DARS1: variants seen among roughly 807,000 people sequenced by gnomAD.
DARS1 encodes the protein aspartyl-tRNA synthetase 1, also known as aspartate--tRNA ligase, cytoplasmic.
In DARS1, 51 loss-of-function variants were observed where a neutral mutation model predicts 68.8. The ratio of observed to expected loss-of-function variants is 0.74; its 90% CI spans 0.59 to 0.94. The LOEUF is 0.94. Among genes scored for constraint, DARS1 ranks in the 40% least tolerant of loss-of-function variants. The pLI is 0.00. For missense variants in DARS1, 607 were observed against 597.3 expected (o/e 1.02, Z -0.17); for synonymous variants, 203 against 190.4 (o/e 1.07, Z -0.55).
chr2:135,921,861 C>T (rs145902508), intron 9 of DARS1, among the ~76,000 whole-genome samples: 1 of 152,128 alleles, frequency 6.6e-6, no homozygotes. Context: ...TGGTACCTAG[C>T]ACAAGGTTAT....
In DARS1 at chr2:135,932,804, G is replaced by A; in HGVS notation, c.543C>T (p.Asp181=). The change falls in exon 7 of 16, where the codon GAC becomes GAT. Residue 181 remains aspartate (D), a synonymous_variant. Coordinates refer to ENST00000264161, the MANE Select transcript of DARS1 (RefSeq NM_001349.4). ...ATACCCTAAGATCAATGACTCTGTT[G>A]TCTAATCTTGTATCCTGGTTAACAG... The part of the protein sequence containing the change: ...RATVNQDTRL[D]NRVIDLRTST... 1 of 1,320,646 alleles carries A rather than the reference G, an allele frequency of 7.6e-7. No individual in the cohort carries two copies. The highest frequency in any genetic ancestry group is 1.1e-6 in the Non-Finnish European group (1 of 922,962). 81.8% of individuals were successfully genotyped at this position (1,320,646 alleles called of 1,614,324 possible).
intron 7 of DARS1, among the ~76,000 whole-genome samples, chr2:135,930,779 G>A (rs1040581105): frequency 2.0e-5 from 3 of 152,176 alleles, no homozygotes; most frequent in Non-Finnish European, 4.4e-5. Context: ...ACCTTCACCT[G>A]TACCTAAGAG....
chr2:135,920,638 A>G, intron 9 of DARS1, 38 bp from the exon 10 acceptor site: 6 of 1,521,810 alleles, frequency 3.9e-6, no homozygotes, highest in Non-Finnish European at 3.5e-6. Context: ...GCAAACACTG[A>G]TTTCAATTTT....
Position 135,906,366 on chromosome 2 carries a change from C to T in DARS1, c.*950G>A, listed in dbSNP as rs1306183444. On this transcript the variant is annotated 3_prime_UTR_variant, in exon 16 of 16. Transcript: ENST00000264161. ...CTAACTAATTCTTACACAAAAATTT[C>T]TTTTTGACGGATAAGATGGGACTGG... 6.6e-6 allele frequency among the ~76,000 whole-genome samples: 1 copy of T among 152,144 alleles called. No individual in the cohort carries two copies. The highest frequency in any genetic ancestry group is 2.4e-5 in the African/African-American group (1 of 41,420).
intron 3 of DARS1, among the ~76,000 whole-genome samples, chr2:135,972,308 G>T (rs1682388355): frequency 6.6e-6 from 1 of 152,114 alleles, no homozygotes; most frequent in Non-Finnish European, 1.5e-5. Context: ...TTTTGACAAA[G>T]GTGCCAATAA....
intron 9 of DARS1, among the ~76,000 whole-genome samples, 198 bp downstream of exon 9, chr2:135,922,583 ATAT>A (rs1272844457): frequency 6.6e-6 from 1 of 152,214 alleles, no homozygotes; most frequent in African/African-American, 2.4e-5. Context: ...ACTATTGACC[ATAT>A]TATTATTACT....
intron 3 of DARS1, among the ~76,000 whole-genome samples, chr2:135,962,471 T>C (rs1682122147): frequency 6.6e-6 from 1 of 152,150 alleles, no homozygotes. Flanking sequence ...ACATTTAGAA[T>C]GGGCCTTAAC....
intron 7 of DARS1, among the ~76,000 whole-genome samples, chr2:135,928,299 GAT>G (rs749876468): frequency 6.6e-6 from 1 of 152,184 alleles, no homozygotes; most frequent in Non-Finnish European, 1.5e-5. Context: ...GGTCAGGAGA[GAT>G]AGTAGAAAAG....
chr2:135,926,702 C>T (rs1252193687), intron 7 of DARS1, among the ~76,000 whole-genome samples: 1 of 152,166 alleles, frequency 6.6e-6, no homozygotes, highest in Non-Finnish European at 1.5e-5. Flanking sequence ...ATGTATCTTA[C>T]TAGCAAGAAT....
At position 135,985,446 on chromosome 2, in the gene DARS1, C is replaced by T. The variant is rs754553792; in HGVS notation, c.23G>A (p.Arg8His). MPSASAS[R>H]KSQEKPREIM... The stretch of plus-strand genomic sequence containing the variant: ...CTCCCGCGGCTTCTCCTGACTCTTG[C>T]GGCTGGCGCTGGCGCTGGGCATCGG... The change falls in exon 1 of 16, where the codon CGC (arginine) becomes CAC (histidine). Residue 8 changes from arginine to histidine, a missense_variant. Coordinates refer to ENST00000264161, the MANE Select transcript of DARS1 (RefSeq NM_001349.4). 4.3e-6 allele frequency: 7 copies of T among 1,613,760 alleles called. No homozygotes were observed. In the African/African-American group the frequency reaches 8.0e-5, roughly 18 times the overall value.
intron 4 of DARS1, among the ~76,000 whole-genome samples, chr2:135,946,350 C>T (rs565001082): frequency 5.9e-5 from 9 of 152,288 alleles, no homozygotes; most frequent in African/African-American, 2.2e-4. Flanking sequence ...TGGAATCCCA[C>T]AATCTTCCTT....
In DARS1 at chr2:135,985,597, C is replaced by G; in HGVS notation, c.-129G>C. 1 of 1,541,252 alleles carries G rather than the reference C, an allele frequency of 6.5e-7. No individual in the cohort carries two copies. The highest frequency in any genetic ancestry group is 8.8e-7 in the Non-Finnish European group (1 of 1,139,270). On this transcript the variant is annotated 5_prime_UTR_variant, in exon 1 of 16. Coordinates refer to ENST00000264161, the MANE Select transcript of DARS1 (RefSeq NM_001349.4). ...TGGGGTCTCAGCACACGCGCTCGGA[C>G]TCCGCGTGGAGGTGCGGCTCCAGAA...
chr2:135,914,199 C>G (rs1398228165), intron 12 of DARS1, among the ~76,000 whole-genome samples: 1 of 152,128 alleles, frequency 6.6e-6, no homozygotes, highest in Non-Finnish European at 1.5e-5. Flanking sequence ...TCCAACTAAT[C>G]CGACATAGGT....
chr2:135,947,706 G>C (rs1681756352), intron 4 of DARS1, among the ~76,000 whole-genome samples: 1 of 151,656 alleles, frequency 6.6e-6, no homozygotes, highest in Non-Finnish European at 1.5e-5. Context: ...TTCTGTTACA[G>C]ACTGACAAAT....
At chr2:135,963,518 C>T (rs545535331) in intron 3 of DARS1, among the ~76,000 whole-genome samples, 6 of 151,554 alleles carry the variant, frequency 4.0e-5, no homozygotes, top group South Asian at 2.1e-4. Flanking sequence ...ATTACAGGCA[C>T]GTGCCACCAG....
chr2:135,972,163 C>T (rs1682384940), intron 3 of DARS1, among the ~76,000 whole-genome samples: 1 of 152,100 alleles, frequency 6.6e-6, no homozygotes, highest in South Asian at 2.1e-4. Context: ...AGGAATCACA[C>T]TACTTACCTT....
rs1681133853 is a variant in DARS1, at chr2:135,922,871, T to C, written c.724A>G (p.Asn242Asp). 6.3e-7 allele frequency: 1 copy of C among 1,585,008 alleles called. No homozygotes were observed. ...ANVFTVSYFKNNAYLAQSPQL... is the reference protein window; with the variant it reads ...ANVFTVSYFKDNAYLAQSPQL... ...GGGGACTGAGCCAGGTATGCATTAT[T>C]TTTAAAATATGACACAGTAAAAACA... Residue 242 changes from asparagine (N) to aspartate (D), a missense_variant, in exon 9 of 16, where the codon AAT (asparagine) becomes GAT (aspartate). By Grantham distance (23) the Asn-to-Asp change is conservative. Transcript: ENST00000264161.
At chr2:135,955,091 G>C (rs1261588618) in intron 4 of DARS1, among the ~76,000 whole-genome samples, 1 of 150,822 alleles carries the variant, frequency 6.6e-6, no homozygotes, top group Non-Finnish European at 1.5e-5. Context: ...TTTTATTTTT[G>C]GGTAGTCATC....
At chr2:135,926,640 T>C (rs532391931) in intron 7 of DARS1, among the ~76,000 whole-genome samples, 1 of 152,272 alleles carries the variant, frequency 6.6e-6, no homozygotes, top group East Asian at 1.9e-4. Context: ...TAAAAGTAAA[T>C]AACAAGAAAG....
Sources: allele counts gnomAD v4.1 joint callset (sites outside exome capture counted in the v4.1 genomes callset), GRCh38; gene constraint gnomAD v4.1.1; transcripts MANE v1.5; gene names NCBI Gene and HGNC (gene_info 2026-07-23, HGNC 2026-07-21).